Variants in FBXO15 observed in about 807,000 individuals in gnomAD.
The protein encoded by FBXO15 is F-box protein 15.
In FBXO15, 30 loss-of-function variants were observed where a neutral mutation model predicts 49.5. The observed-to-expected ratio is 0.61, with a 90% CI of 0.45 to 0.82. FBXO15 has a LOEUF of 0.82. FBXO15 is among the 40% of genes least tolerant of loss of function. The pLI is 0.00. For missense variants in FBXO15, 591 were observed against 631.5 expected (o/e 0.94, Z 0.69); for synonymous variants, 250 against 232.7 (o/e 1.07, Z -0.68).
At position 74,078,710 on chromosome 18, in the gene FBXO15, C is replaced by G. The variant is rs555316905; in HGVS notation, c.1263+3217G>C. 2.6e-5 allele frequency: 4 copies of G among 152,502 alleles called. No individual in the cohort carries two copies. In the Middle Eastern group the frequency reaches 0.01, roughly 389 times the overall value. The allele number at this position is 152,502 out of a possible 1,614,324, so 9.4% of individuals were successfully genotyped here. On this transcript the variant is annotated intron_variant, in intron 9 of 9. Transcript: ENST00000419743. Reference sequence around the variant, plus strand: ...CCTCTCCTAAATCAGTCCCTCTCACCCTGAACGTCCAGGAGGCACACATCT... The same window carrying G: ...CCTCTCCTAAATCAGTCCCTCTCACGCTGAACGTCCAGGAGGCACACATCT...
rs201712109 is a variant in FBXO15, at chr18:74,129,433, C to G, written c.757G>C (p.Asp253His). The G allele has an allele frequency of 6.2e-7, 1 of 1,613,840 alleles. No individual in the cohort carries two copies. Among genetic ancestry groups the G allele is most frequent in the East Asian group, 2.2e-5 (1 of 44,846 alleles). Residue 253 changes from aspartate to histidine, a missense_variant, in exon 5 of 10, where the codon GAC becomes CAC. Physicochemically the swap from Asp to His is moderately conservative, Grantham distance 81 (BLOSUM62 -1). Transcript: ENST00000419743. ...DLCGMTPVFT[D>H]WYKTPTKHRL... ...TGTTTGGTGGGAGTTTTATACCAGT[C>G]GGTAAAAACTGGTGTCATGCCACAT...
intron 9 of FBXO15, chr18:74,076,389 T>C (rs1434338745): frequency 1.3e-5 from 2 of 152,122 alleles, no homozygotes; most frequent in Non-Finnish European, 2.9e-5. Context: ...CTGAGGTCCT[T>C]ATAAAAGAGG....
chr18:74,075,973 G>A lies in FBXO15; in HGVS notation c.1264-2243C>T, dbSNP rs139839782. Among the ~76,000 whole-genome samples, 117 of 152,264 alleles carry A rather than the reference G, an allele frequency of 7.7e-4. 2 individuals are homozygous for A. The East Asian group carries it at 0.015, about 20-fold the overall frequency. ...GTTCAAGACCTAAATATTCAAGTGC[G>A]TACTCAACTTCTGGATCTTTCAACG... On this transcript the variant is annotated intron_variant, in intron 9 of 9. Coordinates refer to ENST00000419743, the MANE Select transcript of FBXO15 (RefSeq NM_001142958.2). The surrounding 1 kb of genome is among the most constrained non-coding windows in gnomAD (Gnocchi z 4.1).
At chr18:74,114,472 C>T (rs1291627561) in intron 8 of FBXO15, among the ~76,000 whole-genome samples, 1 of 152,044 alleles carries the variant, frequency 6.6e-6, no homozygotes, top group Non-Finnish European at 1.5e-5. Context: ...TAGTGAATCA[C>T]TGAAATTAGG....
At chr18:74,117,575 G>A (rs553586088) in intron 8 of FBXO15, among the ~76,000 whole-genome samples, 4 of 152,204 alleles carry the variant, frequency 2.6e-5, no homozygotes, top group African/African-American at 7.2e-5. Flanking sequence ...GGAGTCGCGC[G>A]GACCTGAGTG....
At chr18:74,114,937 G>A (rs938850919) in intron 8 of FBXO15, among the ~76,000 whole-genome samples, 1 of 152,142 alleles carries the variant, frequency 6.6e-6, no homozygotes, top group Non-Finnish European at 1.5e-5. Flanking sequence ...AAAGGACACA[G>A]ATCCTTTTTA....
intron 8 of FBXO15, among the ~76,000 whole-genome samples, chr18:74,093,239 C>T (rs1422932153): frequency 1.7e-5 from 2 of 119,524 alleles, no homozygotes; most frequent in Non-Finnish European, 3.3e-5. Context: ...AAGGTTCACT[C>T]ATACACGTGT....
chr18:74,147,632 TC>T (rs1254730736), intron 1 of FBXO15, 37 bp downstream of exon 1: 1 of 1,371,402 alleles, frequency 7.3e-7, no homozygotes, highest in Non-Finnish European at 9.4e-7. Flanking sequence ...GTGACGGGCT[TC>T]CCGCCAGGGG....
chr18:74,122,910 T>C (rs1914531612), intron 8 of FBXO15: 1 of 152,876 alleles, frequency 6.5e-6, no homozygotes, highest in Non-Finnish European at 1.5e-5. Context: ...TCCTTTCCTC[T>C]GTCTGCCCCA....
rs1362004270 is a variant in FBXO15 at position 74,130,456 on chromosome 18, G to C, written c.535C>G (p.Pro179Ala). Residue 179 changes from proline (P) to alanine (A), a missense_variant, in exon 4 of 10, where the codon CCT becomes GCT. By Grantham distance (27) the Pro-to-Ala change is conservative. Transcript: ENST00000419743. ...ALADILKPVN[P>A]YTGLPVKTKE... is the part of the protein sequence containing the mutation. ...GTCTTAACTGGAAGGCCTGTGTAAG[G>C]GTTGACAGGTTTGAGAATGTCAGCT... is the stretch of plus-strand genomic sequence containing the variant. 1.2e-6 allele frequency: 2 copies of C among 1,614,030 alleles called. No homozygotes were observed. Among genetic ancestry groups the C allele is most frequent in the African/African-American group, 2.7e-5 (2 of 74,910 alleles).
intron 3 of FBXO15, among the ~76,000 whole-genome samples, chr18:74,133,678 G>T (rs1323594370): frequency 6.6e-6 from 1 of 152,216 alleles, no homozygotes; most frequent in African/African-American, 2.4e-5. Flanking sequence ...GCTATACAAG[G>T]AGCACAACAC....
chr18:74,135,791 G>C lies in FBXO15; in HGVS notation c.303C>G (p.Ser101Arg). ...AVSLLCTGCVSRRFYHLANDN... is the reference protein window; with the variant it reads ...AVSLLCTGCVRRRFYHLANDN... ...CATTGGCTAGATGATAAAAGCGCCTGCTCACACATCCAGTACACAGAAGGC... is the reference window on the plus strand; with the variant it reads ...CATTGGCTAGATGATAAAAGCGCCTCCTCACACATCCAGTACACAGAAGGC... Residue 101 changes from serine to arginine, a missense_variant, in exon 3 of 10, where the codon AGC becomes AGG. Physicochemically the swap from Ser to Arg is moderately radical, Grantham distance 110. Coordinates refer to ENST00000419743, the MANE Select transcript of FBXO15 (RefSeq NM_001142958.2). 1 of 1,609,374 alleles carries C rather than the reference G, an allele frequency of 6.2e-7. No homozygotes were observed. Among genetic ancestry groups the C allele is most frequent in the Non-Finnish European group, 8.5e-7 (1 of 1,178,832 alleles).
chr18:74,090,984 A>C (rs766767261), intron 8 of FBXO15, among the ~76,000 whole-genome samples: 4 of 152,130 alleles, frequency 2.6e-5, no homozygotes, highest in African/African-American at 7.2e-5. Context: ...AAATACTGTT[A>C]GTGGGGTACT....
At chr18:74,139,522 C>T (rs1423398654) in intron 2 of FBXO15, among the ~76,000 whole-genome samples, 1 of 152,118 alleles carries the variant, frequency 6.6e-6, no homozygotes, top group African/African-American at 2.4e-5. Context: ...ACACTGTTAG[C>T]TGAGCAAGCT....
intron 2 of FBXO15, among the ~76,000 whole-genome samples, chr18:74,137,345 A>T (rs527298681): frequency 3.6e-4 from 55 of 152,340 alleles, no homozygotes; most frequent in African/African-American, 1.3e-3. Context: ...TTTTGATTTA[A>T]CTATTTCACA....
At position 74,129,397 on chromosome 18, in the gene FBXO15, G is replaced by T; in HGVS notation, c.785+8C>A. On this transcript the variant is annotated splice_region_variant and intron_variant, in intron 5 of 9. Transcript: ENST00000419743. ...TCTCACTCAACAGTTCTGCTGATTG[G>T]TACTTACCTATGTTTGGTGGGAGTT... is the stretch of plus-strand genomic sequence containing the variant. 6.2e-7 allele frequency: 1 copy of T among 1,612,194 alleles called. No homozygotes were observed. Among genetic ancestry groups the T allele is most frequent in the Non-Finnish European group, 8.5e-7 (1 of 1,178,520 alleles).
chr18:74,093,010 G>T (rs1271314440), intron 8 of FBXO15, among the ~76,000 whole-genome samples: 1 of 152,168 alleles, frequency 6.6e-6, no homozygotes, highest in African/African-American at 2.4e-5. Flanking sequence ...CACAGGGGCA[G>T]GGTGCTGGCA....
chr18:74,139,701 T>A (rs1978946061), intron 2 of FBXO15, among the ~76,000 whole-genome samples: 1 of 152,234 alleles, frequency 6.6e-6, no homozygotes, highest in African/African-American at 2.4e-5. Flanking sequence ...ATAATCGGTG[T>A]TCCATAAATG....
intron 8 of FBXO15, among the ~76,000 whole-genome samples, chr18:74,113,455 GT>G (rs1249100418): frequency 6.6e-6 from 1 of 152,136 alleles, no homozygotes; most frequent in East Asian, 1.9e-4. Flanking sequence ...AGGACCTTGT[GT>G]GATTATGACA....
Sources: gnomAD v4.1 joint callset for allele counts (sites outside exome capture counted in the v4.1 genomes callset) on GRCh38, gnomAD v4.1.1 for gene constraint, Gnocchi (gnomAD v3.1) non-coding constraint, MANE v1.5 for transcripts, NCBI Gene and HGNC (gene_info 2026-07-23, HGNC 2026-07-21) for gene names.